Variants in CROCC2 observed in about 807,000 individuals in gnomAD.
CROCC2 encodes the protein ciliary rootlet coiled-coil protein 2.
Under a neutral mutation model 177.6 loss-of-function variants are expected in CROCC2, and 163 were observed. That is an observed-to-expected ratio of 0.92 (90% CI 0.81 to 1.05). The LOEUF is 1.05. Among genes scored for constraint, CROCC2 ranks in the 50% least tolerant of loss-of-function variants. The pLI is 0.00. For missense variants in CROCC2, 1,929 were observed against 1,797.8 expected (o/e 1.07, Z -1.32); for synonymous variants, 904 against 787.3 (o/e 1.15, Z -2.48).
At chr2:240,963,293 G>A in intron 20 of CROCC2, 1 of 501,360 alleles carries the variant, frequency 2.0e-6, no homozygotes, top group East Asian at 3.0e-5. Flanking sequence ...GGTCCAGAGA[G>A]GCCGCAGCGT....
intron 29 of CROCC2, 50 bp from the exon 30 acceptor site, chr2:240,989,604 T>C (rs558003828): frequency 1.6e-5 from 24 of 1,501,200 alleles, no homozygotes; most frequent in Admixed American, 1.2e-4. Context: ...TGGGATTCTG[T>C]GCGGCCCTCA....
chr2:240,965,020 G>A (rs1278207511), intron 22 of CROCC2, among the ~76,000 whole-genome samples: 1 of 152,226 alleles, frequency 6.6e-6, no homozygotes, highest in Non-Finnish European at 1.5e-5. Context: ...GCAGGGTGCT[G>A]GCAAGCCGGG....
chr2:240,933,968 G>A (rs2059450649), intron 11 of CROCC2, 116 bp downstream of exon 11: 2 of 1,188,630 alleles, frequency 1.7e-6, no homozygotes, highest in African/African-American at 1.5e-5. Context: ...CTCATCTCAG[G>A]GTGTGGTGGC....
intron 1 of CROCC2, among the ~76,000 whole-genome samples, chr2:240,912,632 C>G (rs1172330836): frequency 6.6e-6 from 1 of 152,222 alleles, no homozygotes; most frequent in Non-Finnish European, 1.5e-5. Context: ...CTGCCCAGCC[C>G]TGTGGTTTAG....
At chr2:240,914,138 G>A (rs944475529) in intron 1 of CROCC2, among the ~76,000 whole-genome samples, 5 of 152,226 alleles carry the variant, frequency 3.3e-5, no homozygotes, top group African/African-American at 1.2e-4. Flanking sequence ...CACAGGGGAG[G>A]AGAACTGCAG....
chr2:240,911,043 A>T (rs1203347633), intron 1 of CROCC2, among the ~76,000 whole-genome samples: 3 of 152,140 alleles, frequency 2.0e-5, no homozygotes, highest in African/African-American at 4.8e-5. Flanking sequence ...AGGCAGGAGA[A>T]TCGCTTGAAC....
chr2:240,929,677 A>C (rs1015528933), intron 5 of CROCC2: 5 of 456,036 alleles, frequency 1.1e-5, no homozygotes, highest in African/African-American at 1.0e-4. Flanking sequence ...ACACCTGGAC[A>C]TCTTCAGGAG....
chr2:240,939,110 A>G (rs570354151), intron 14 of CROCC2, among the ~76,000 whole-genome samples: 1 of 152,256 alleles, frequency 6.6e-6, no homozygotes, highest in East Asian at 1.9e-4. Context: ...TTGATGTTTC[A>G]CCATTAAATA....
chr2:240,921,816 C>T (rs1294560251), intron 3 of CROCC2, among the ~76,000 whole-genome samples: 2 of 152,214 alleles, frequency 1.3e-5, no homozygotes, highest in Non-Finnish European at 2.9e-5. Flanking sequence ...TGCATTTGGC[C>T]CAGGCATAGC....
chr2:240,943,919 G>A (rs751533599), intron 14 of CROCC2, among the ~76,000 whole-genome samples: 1 of 152,100 alleles, frequency 6.6e-6, no homozygotes, highest in Non-Finnish European at 1.5e-5. Context: ...TGAACACCTG[G>A]GACCTGACTG....
intron 29 of CROCC2, 52 bp downstream of exon 29, chr2:240,988,922 G>C (rs746818466): frequency 4.4e-6 from 6 of 1,349,762 alleles, no homozygotes; most frequent in Non-Finnish European, 5.8e-6. Context: ...GGCAGACCTG[G>C]GGTGGGATCC....
intron 15 of CROCC2, among the ~76,000 whole-genome samples, chr2:240,947,818 T>C (rs2059532414): frequency 6.6e-6 from 1 of 151,760 alleles, no homozygotes; most frequent in Admixed American, 6.6e-5. Flanking sequence ...TGGACCAAGG[T>C]CCCCGCCAGC....
In CROCC2 at chr2:240,982,667, G is replaced by C. The variant is rs756367541; in HGVS notation, c.4402-213G>C. On this transcript the variant is annotated intron_variant, in intron 27 of 31. Transcript: ENST00000690015. This position sits in a 1 kb window ranked among gnomAD's most constrained non-coding sequence, Gnocchi z 4.7. The stretch of plus-strand genomic sequence containing the variant: ...CAGACCCCCAGGACTTTCGTCTCAG[G>C]CTTCCTGGGGGTCCACACCTTTGAG... 2.0e-6 allele frequency: 1 copy of C among 495,396 alleles called. No individual in the cohort carries two copies. The highest frequency in any genetic ancestry group is 3.5e-6 in the Non-Finnish European group (1 of 282,434). 30.7% of individuals were successfully genotyped at this position (495,396 alleles called of 1,614,324 possible).
rs1187124635 is a variant in CROCC2, at chr2:240,959,447, G to A, written c.3087+3G>A. On this transcript the variant is annotated splice_donor_region_variant and intron_variant, in intron 20 of 31. Transcript: ENST00000690015. ...AGCGGGGCGATGTGGAGAGAGAGGTGAGAGGCAGGGCTGGGGGGCTCCTGG... is the reference window on the plus strand; with the variant it reads ...AGCGGGGCGATGTGGAGAGAGAGGTAAGAGGCAGGGCTGGGGGGCTCCTGG... 1 of 1,550,078 alleles carries A rather than the reference G, an allele frequency of 6.5e-7. No individual in the cohort carries two copies. The highest frequency in any genetic ancestry group is 2.4e-5 in the East Asian group (1 of 40,912).
intron 20 of CROCC2, among the ~76,000 whole-genome samples, chr2:240,962,028 A>G (rs1457489322): frequency 1.1e-4 from 3 of 28,228 alleles, no homozygotes; most frequent in African/African-American, 2.2e-4. Context: ...ACACACACAC[A>G]CGCACGCACA....
At chr2:240,974,699 AT>A (rs773895871) in intron 27 of CROCC2, among the ~76,000 whole-genome samples, 65 of 151,482 alleles carry the variant, frequency 4.3e-4, no homozygotes, top group Non-Finnish European at 2.8e-4. Flanking sequence ...AATTTTTCTT[AT>A]TTCTTGAAAG....
intron 1 of CROCC2, among the ~76,000 whole-genome samples, chr2:240,909,431 G>T (rs1237224850): frequency 6.6e-6 from 1 of 152,256 alleles, no homozygotes; most frequent in African/African-American, 2.4e-5. Context: ...GGCTCCATGA[G>T]TTCTGAGAGC....
At chr2:240,916,589 A>G (rs116639627) in intron 1 of CROCC2, among the ~76,000 whole-genome samples, 2,445 of 149,038 alleles carry the variant, frequency 0.016, 63 homozygotes, top group African/African-American at 0.057. Context: ...GCCGCGGCCT[A>G]TTGCAGGCAC....
At chr2:240,954,580 A>G (rs2059578517) in intron 18 of CROCC2, 1 of 152,210 alleles carries the variant, frequency 6.6e-6, no homozygotes, top group Non-Finnish European at 1.5e-5. Context: ...ACCCTCCTGC[A>G]CCCCAGTGTG....
Sources: gnomAD v4.1 joint callset for allele counts (sites outside exome capture counted in the v4.1 genomes callset) on GRCh38, gnomAD v4.1.1 for gene constraint, Gnocchi (gnomAD v3.1) non-coding constraint, MANE v1.5 for transcripts, NCBI Gene and HGNC (gene_info 2026-07-23, HGNC 2026-07-21) for gene names.